C6orf163: variants seen among roughly 807,000 people sequenced by gnomAD.
The protein encoded by C6orf163 is uncharacterized protein C6orf163.
Under a neutral mutation model 28.4 loss-of-function variants are expected in C6orf163, and 22 were observed. The ratio of observed to expected loss-of-function variants is 0.78; its 90% CI spans 0.55 to 1.11. The LOEUF is 1.11. C6orf163 is among the 50% of genes least tolerant of loss of function. The probability of loss-of-function intolerance (pLI) is 0.00; values close to 1 mark genes in which losing one functional copy is unlikely to be tolerated. For synonymous variants in C6orf163, 110 were observed against 123.6 expected (o/e 0.89, Z 0.73); for missense variants, 342 against 389.1 (o/e 0.88, Z 1.02).
Position 87,365,169 on chromosome 6 carries a change from G to T in C6orf163, c.763G>T (p.Ala255Ser). 1 of 1,551,856 alleles carries T rather than the reference G, an allele frequency of 6.4e-7. No homozygotes were observed. The change falls in exon 5 of 5, where the codon GCT becomes TCT. Residue 255 changes from alanine (A) to serine (S), a missense_variant. Ala to Ser is a moderately conservative substitution (Grantham distance 99). Transcript: ENST00000388923. Reference sequence around the variant, plus strand: ...TCTTGGCAATATGATGGATAAACTGGCTAACACCCAGGGGGAGCTGCTGTC... The same window carrying T: ...TCTTGGCAATATGATGGATAAACTGTCTAACACCCAGGGGGAGCTGCTGTC... ...ATLGNMMDKLANTQGELLSIA... is the reference protein window; with the variant it reads ...ATLGNMMDKLSNTQGELLSIA...
At chr6:87,347,452 G>A (rs1431925873) in intron 1 of C6orf163, 13 of 985,266 alleles carry the variant, frequency 1.3e-5, no homozygotes, top group Middle Eastern at 5.2e-4. Flanking sequence ...AGTTCAATAC[G>A]TTGATGGTCC....
At chr6:87,362,510 T>G (rs765965141) in intron 4 of C6orf163, among the ~76,000 whole-genome samples, 12 of 152,170 alleles carry the variant, frequency 7.9e-5, no homozygotes, top group Non-Finnish European at 1.5e-4. Context: ...TTCAATGGGT[T>G]ATTGTGAAAA....
In C6orf163 at chr6:87,345,119, A is replaced by C; in HGVS notation, c.20A>C (p.Tyr7Ser). 6.5e-7 allele frequency: 1 copy of C among 1,530,668 alleles called. No individual in the cohort carries two copies. The highest frequency in any genetic ancestry group is 8.7e-7 in the Non-Finnish European group (1 of 1,145,132). The allele number at this position is 1,530,668 out of a possible 1,614,324, so 94.8% of individuals were successfully genotyped here. A position where few individuals can be genotyped will look rare whatever the true frequency, so the allele number is the denominator to read the frequency against. ...TTAACTATGATCAGAAATTCAGATT[A>C]CAAAAACTTTGTTTGCTGTGCTGTT... MIRNSD[Y>S]KNFVCCAVCN... is the part of the protein sequence containing the mutation. Residue 7 changes from tyrosine (Y) to serine (S), a missense_variant, in exon 1 of 5, where the codon TAC becomes TCC. Coordinates refer to ENST00000388923, the MANE Select transcript of C6orf163 (RefSeq NM_001010868.3).
At position 87,345,126 on chromosome 6, in the gene C6orf163, CTT is replaced by C. The variant is rs1361380748; in HGVS notation, c.29_30del (p.Phe10CysfsTer7). On this transcript the variant is annotated frameshift_variant, in exon 1 of 5. Coordinates refer to ENST00000388923, the MANE Select transcript of C6orf163 (RefSeq NM_001010868.3). LOFTEE classifies it high-confidence loss of function. MIRNSDYKNFVCCAVCNKII... is the reference protein window; with the variant it reads MIRNSDYKNXVCCAVCNKII... ...TGATCAGAAATTCAGATTACAAAAA[CTT>C]TGTTTGCTGTGCTGTTTGTAATAAA... 3 of 1,530,916 alleles carry C rather than the reference CTT, an allele frequency of 2.0e-6. No individual in the cohort carries two copies. Among genetic ancestry groups the C allele is most frequent in the East Asian group, 2.5e-5 (1 of 40,800 alleles). 94.8% of individuals were successfully genotyped at this position (1,530,916 alleles called of 1,614,324 possible).
chr6:87,365,051 T>C lies in C6orf163; in HGVS notation c.645T>C (p.His215=). ...SVARLMREKE[H]EMSILYGIAQ... is the part of the protein sequence containing the mutation. Reference sequence around the variant, plus strand: ...CCCGACTGATGAGGGAAAAAGAACATGAAATGAGCATCCTCTATGGCATAG... The same window carrying C: ...CCCGACTGATGAGGGAAAAAGAACACGAAATGAGCATCCTCTATGGCATAG... Residue 215 remains histidine, a synonymous_variant, in exon 5 of 5, where the codon CAT becomes CAC. Coordinates refer to ENST00000388923, the MANE Select transcript of C6orf163 (RefSeq NM_001010868.3). 6.4e-7 allele frequency: 1 copy of C among 1,551,630 alleles called. No homozygotes were observed. Among genetic ancestry groups the C allele is most frequent in the East Asian group, 2.4e-5 (1 of 40,916 alleles).
chr6:87,363,961 TA>T (rs1405160531), intron 4 of C6orf163, among the ~76,000 whole-genome samples: 12 of 152,130 alleles, frequency 7.9e-5, no homozygotes, highest in Admixed American at 3.9e-4. Context: ...AGCTTTTTGC[TA>T]ATAAGCCAGA....
In C6orf163 at chr6:87,365,414, T is replaced by A. The variant is rs1333773500; in HGVS notation, c.*18T>A. 1 of 1,416,490 alleles carries A rather than the reference T, an allele frequency of 7.1e-7. No individual in the cohort carries two copies. The highest frequency in any genetic ancestry group is 9.5e-7 in the Non-Finnish European group (1 of 1,048,126). 87.7% of individuals were successfully genotyped at this position (1,416,490 alleles called of 1,614,324 possible). A position where few individuals can be genotyped will look rare whatever the true frequency, so the allele number is the denominator to read the frequency against. On this transcript the variant is annotated 3_prime_UTR_variant, in exon 5 of 5. Transcript: ENST00000388923. ...TTGATTAGAAGTCTTCAGTTGAAAT[T>A]CCACTACAAAAGACATCATTCCAGA...
chr6:87,350,500 A>G lies in C6orf163; in HGVS notation c.350A>G (p.Gln117Arg). 6.8e-7 allele frequency: 1 copy of G among 1,471,748 alleles called. No individual in the cohort carries two copies. Among genetic ancestry groups the G allele is most frequent in the East Asian group, 2.5e-5 (1 of 40,588 alleles). The allele number at this position is 1,471,748 out of a possible 1,614,324, so 91.2% of individuals were successfully genotyped here. A position where few individuals can be genotyped will look rare whatever the true frequency, so the allele number is the denominator to read the frequency against. Reference sequence around the variant, plus strand: ...AAAGAGGAACATCAGAAAGATTTACAGGTTTTTATAGTGGCTTATTTGTTG... The same window carrying G: ...AAAGAGGAACATCAGAAAGATTTACGGGTTTTTATAGTGGCTTATTTGTTG... ...ILKEEHQKDL[Q>R]EVTAKTKTEM... Residue 117 changes from glutamine (Q) to arginine (R), a missense_variant and splice_region_variant, in exon 3 of 5, where the codon CAG becomes CGG. Transcript: ENST00000388923.
intron 3 of C6orf163, among the ~76,000 whole-genome samples, chr6:87,355,884 C>T (rs1472874505): frequency 1.3e-5 from 2 of 152,160 alleles, no homozygotes; most frequent in South Asian, 2.1e-4. Flanking sequence ...TTAGTTCCCT[C>T]CTACCCAGGA....
chr6:87,348,691 C>T (rs1777366113), intron 1 of C6orf163, 121 bp from the exon 2 acceptor site: 4 of 1,438,212 alleles, frequency 2.8e-6, no homozygotes, highest in Middle Eastern at 1.8e-4. Flanking sequence ...AATATATATA[C>T]TGGCATCTCC....
At chr6:87,353,005 A>G (rs1777440861) in intron 3 of C6orf163, among the ~76,000 whole-genome samples, 1 of 152,218 alleles carries the variant, frequency 6.6e-6, no homozygotes, top group Non-Finnish European at 1.5e-5. Flanking sequence ...ATTTATTTCA[A>G]TGTAAGGTCT....
At chr6:87,348,516 T>G in intron 1 of C6orf163, 1 of 1,121,682 alleles carries the variant, frequency 8.9e-7, no homozygotes, top group Non-Finnish European at 1.1e-6. Flanking sequence ...CTACTTTGGG[T>G]GTACAAAATA....
At chr6:87,350,551 A>T (rs1373728820) in intron 3 of C6orf163, 50 bp downstream of exon 3, 1 of 1,100,208 alleles carries the variant, frequency 9.1e-7, no homozygotes, top group Non-Finnish European at 1.3e-6. Context: ...TACATTAGTA[A>T]AAAGAAAAGT....
intron 4 of C6orf163, among the ~76,000 whole-genome samples, chr6:87,364,303 C>A (rs575972459): frequency 6.6e-6 from 1 of 151,978 alleles, no homozygotes; most frequent in East Asian, 1.9e-4. Context: ...TTAAATTATA[C>A]CATTCTTCTC....
At chr6:87,351,164 G>C (rs1777406172) in intron 3 of C6orf163, among the ~76,000 whole-genome samples, 1 of 152,150 alleles carries the variant, frequency 6.6e-6, no homozygotes, top group African/African-American at 2.4e-5. Flanking sequence ...TTCATTGTTA[G>C]TTCAGTACCT....
rs755692138 is a variant in C6orf163, at chr6:87,348,836, AAG to A, written c.175_176del (p.Glu59ArgfsTer18). On this transcript the variant is annotated frameshift_variant, in exon 2 of 5. Transcript: ENST00000388923. LOFTEE classifies it high-confidence loss of function. ...GATATTGGGGCAAATATTCTGAAAAAAGAAGAGCAGTTTCAAGAAGATATACT... is the reference window on the plus strand; with the variant it reads ...GATATTGGGGCAAATATTCTGAAAAAAAGAGCAGTTTCAAGAAGATATACT... The A allele has an allele frequency of 2.0e-6, 3 of 1,537,392 alleles. No homozygotes were observed. Among genetic ancestry groups the A allele is most frequent in the South Asian group, 2.4e-5 (2 of 84,044 alleles).
rs1338948625 is a variant in C6orf163, at chr6:87,351,527, G to A, written c.351+1026G>A. Among the ~76,000 whole-genome samples the A allele has an allele frequency of 2.0e-5, 3 of 152,332 alleles. No individual in the cohort carries two copies. In the East Asian group the frequency reaches 5.8e-4, roughly 29 times the overall value. ...GGATGCTCCCTGCTTCGCTCCAGTGGCCTACCTCAGCCAGGGTTGGTATGG... is the reference window on the plus strand; with the variant it reads ...GGATGCTCCCTGCTTCGCTCCAGTGACCTACCTCAGCCAGGGTTGGTATGG... On this transcript the variant is annotated intron_variant, in intron 3 of 4. Transcript: ENST00000388923.
At chr6:87,347,324 A>G (rs1190709925) in intron 1 of C6orf163, 1 of 897,070 alleles carries the variant, frequency 1.1e-6, no homozygotes, top group African/African-American at 1.8e-5. Context: ...TGCATTTTTA[A>G]AAAAAGCTTT....
chr6:87,351,261 G>C (rs1175096467), intron 3 of C6orf163, among the ~76,000 whole-genome samples: 1 of 152,232 alleles, frequency 6.6e-6, no homozygotes, highest in African/African-American at 2.4e-5. Context: ...TAAGGTACAG[G>C]TATGACAATA....
Sources: allele counts gnomAD v4.1 joint callset (sites outside exome capture counted in the v4.1 genomes callset), GRCh38; gene constraint gnomAD v4.1.1; transcripts MANE v1.5; gene names NCBI Gene and HGNC (gene_info 2026-07-23, HGNC 2026-07-21).